VAT1L: variants seen among roughly 807,000 people sequenced by gnomAD.
VAT1L encodes the protein putative NADPH-dependent quinone oxidoreductase VAT1L.
A neutral mutation model predicts 44.1 loss-of-function variants in VAT1L; 34 were observed. The ratio of observed to expected loss-of-function variants is 0.77; its 90% CI spans 0.59 to 1.03. The LOEUF (loss-of-function observed/expected upper bound fraction) is 1.03, where lower values mean the gene tolerates loss of function less well. Ranked by LOEUF, VAT1L falls within the 50% of genes least tolerant of loss-of-function variation. The pLI, the probability that VAT1L is intolerant of heterozygous loss-of-function variation, is 0.00. For missense variants in VAT1L, 615 were observed against 538.8 expected, an observed-to-expected ratio of 1.14 and a Z score of -1.40; for synonymous variants, 253 against 202.2, an observed-to-expected ratio of 1.25 and a Z score of -2.13.
intron 1 of VAT1L, among the ~76,000 whole-genome samples, chr16:77,802,943 A>T (rs77714327): frequency 6.6e-6 from 1 of 152,098 alleles, no homozygotes; most frequent in African/African-American, 2.4e-5. Flanking sequence ...CCATCACGGC[A>T]GCGGACACAG....
chr16:77,967,627 A>T (rs2018236733), intron 7 of VAT1L, among the ~76,000 whole-genome samples: 1 of 152,200 alleles, frequency 6.6e-6, no homozygotes, highest in African/African-American at 2.4e-5. Flanking sequence ...AGAAAGAAAT[A>T]TCCAAAAAGC....
intron 1 of VAT1L, among the ~76,000 whole-genome samples, chr16:77,798,857 G>A (rs1440251822): frequency 6.6e-6 from 1 of 152,148 alleles, no homozygotes; most frequent in African/African-American, 2.4e-5. Context: ...TCTTCAGAGG[G>A]CGGGAAGGCC....
intron 1 of VAT1L, among the ~76,000 whole-genome samples, chr16:77,790,637 A>G (rs537366902): frequency 1.5e-3 from 226 of 152,320 alleles, no homozygotes; most frequent in African/African-American, 5.2e-3. Context: ...ATATATGTGC[A>G]TATACATATA....
chr16:77,915,552 C>T (rs1337439657), intron 7 of VAT1L, among the ~76,000 whole-genome samples: 1 of 151,750 alleles, frequency 6.6e-6, no homozygotes, highest in African/African-American at 2.4e-5. Flanking sequence ...ATTTGTGAGT[C>T]ACCAAGAAGG....
intron 4 of VAT1L, among the ~76,000 whole-genome samples, chr16:77,865,294 C>G (rs1416068856): frequency 6.6e-6 from 1 of 152,110 alleles, no homozygotes; most frequent in African/African-American, 2.4e-5. Context: ...TAACTTGACT[C>G]TCTTAAGCTG....
intron 7 of VAT1L, among the ~76,000 whole-genome samples, chr16:77,970,645 C>T (rs1271882998): frequency 1.3e-5 from 2 of 152,182 alleles, no homozygotes; most frequent in Non-Finnish European, 2.9e-5. Flanking sequence ...CTTCAATGTT[C>T]TGCCATAAAA....
At chr16:77,946,046 C>A (rs1248958785) in intron 7 of VAT1L, among the ~76,000 whole-genome samples, 2 of 151,872 alleles carry the variant, frequency 1.3e-5, no homozygotes, top group South Asian at 2.1e-4. Context: ...ATGATCTGCC[C>A]GTCTCGGCCT....
At chr16:77,952,264 G>A (rs147254762) in intron 7 of VAT1L, among the ~76,000 whole-genome samples, 2 of 152,312 alleles carry the variant, frequency 1.3e-5, no homozygotes, top group Non-Finnish European at 2.9e-5. Context: ...CAGTCAGGAA[G>A]AAACCTGTTG....
intron 7 of VAT1L, among the ~76,000 whole-genome samples, chr16:77,904,342 G>A (rs2017417932): frequency 6.6e-6 from 1 of 151,884 alleles, no homozygotes; most frequent in African/African-American, 2.4e-5. Flanking sequence ...AGTCTTTCCA[G>A]GCTGCCATAA....
intron 7 of VAT1L, among the ~76,000 whole-genome samples, chr16:77,915,686 G>C (rs1361837250): frequency 6.6e-6 from 1 of 152,182 alleles, no homozygotes; most frequent in Non-Finnish European, 1.5e-5. Flanking sequence ...GCAATTGCAA[G>C]ACCAAGCCTG....
chr16:77,947,884 C>G (rs1401368272), intron 7 of VAT1L, among the ~76,000 whole-genome samples: 1 of 152,118 alleles, frequency 6.6e-6, no homozygotes, highest in African/African-American at 2.4e-5. Flanking sequence ...CTCAGCCTCC[C>G]AAGTAGCTAG....
At chr16:77,895,223 G>T (rs2017311354) in intron 7 of VAT1L, among the ~76,000 whole-genome samples, 1 of 151,920 alleles carries the variant, frequency 6.6e-6, no homozygotes, top group African/African-American at 2.4e-5. Context: ...CCATGCCCTT[G>T]CACCCAGCTC....
At chr16:77,901,373 C>T (rs538788877) in intron 7 of VAT1L, among the ~76,000 whole-genome samples, 1 of 151,976 alleles carries the variant, frequency 6.6e-6, no homozygotes, top group East Asian at 1.9e-4. Flanking sequence ...ACCGTGTTAG[C>T]CAGGATGGTC....
intron 4 of VAT1L, among the ~76,000 whole-genome samples, chr16:77,871,021 A>C (rs542796136): frequency 6.6e-6 from 1 of 152,136 alleles, no homozygotes; most frequent in East Asian, 1.9e-4. Context: ...CAGTCTTTCT[A>C]TGGGGTCTGT....
At chr16:77,851,723 T>C (rs185731241) in intron 3 of VAT1L, among the ~76,000 whole-genome samples, 33 of 152,256 alleles carry the variant, frequency 2.2e-4, no homozygotes, top group Admixed American at 9.2e-4. Context: ...TGCTTGGCAC[T>C]GTACTAAGTA....
chr16:77,871,471 A>C (rs952562762), intron 4 of VAT1L, among the ~76,000 whole-genome samples: 8 of 152,140 alleles, frequency 5.3e-5, no homozygotes, highest in Admixed American at 4.6e-4. Flanking sequence ...CCTGCATGGC[A>C]TAGAAGTGAC....
chr16:77,853,795 GAC>G (rs1328550374), intron 3 of VAT1L, among the ~76,000 whole-genome samples: 2 of 152,036 alleles, frequency 1.3e-5, no homozygotes, highest in Non-Finnish European at 2.9e-5. Flanking sequence ...AAAAAAATAA[GAC>G]ACTGTCCACC....
intron 2 of VAT1L, among the ~76,000 whole-genome samples, chr16:77,818,148 TA>T (rs916406425): frequency 3.3e-5 from 5 of 152,162 alleles, no homozygotes; most frequent in African/African-American, 1.2e-4. Context: ...ACTGCAATAA[TA>T]AATGCAGGAC....
intron 2 of VAT1L, among the ~76,000 whole-genome samples, chr16:77,822,635 A>T (rs1282526180): frequency 6.6e-6 from 1 of 152,176 alleles, no homozygotes; most frequent in African/African-American, 2.4e-5. Context: ...GAGGATTCAG[A>T]GAGGGGAAGA....
Sources: allele counts gnomAD v4.1 joint callset (sites outside exome capture counted in the v4.1 genomes callset), GRCh38; gene constraint gnomAD v4.1.1; transcripts MANE v1.5; gene names NCBI Gene and HGNC (gene_info 2026-07-23, HGNC 2026-07-21).